Variants in CSMD1 observed in about 807,000 individuals in gnomAD.
CSMD1 encodes CUB and Sushi multiple domains 1, also known as CUB and sushi domain-containing protein 1.
A neutral mutation model predicts 417.5 loss-of-function variants in CSMD1; 213 were observed. That is an observed-to-expected ratio of 0.51 (90% CI 0.46 to 0.57). CSMD1 has a LOEUF of 0.57. Ranked by LOEUF, CSMD1 falls within the 20% of genes least tolerant of loss-of-function variation. The probability of loss-of-function intolerance (pLI) is 0.00; values close to 1 mark genes in which losing one functional copy is unlikely to be tolerated. For missense variants in CSMD1, 6,923 were observed against 4,529.7 expected (o/e 1.53, Z -15.17); for synonymous variants, 2,862 against 1,736.8 (o/e 1.65, Z -16.11).
At chr8:4,979,304 T>C (rs1188671863) in intron 1 of CSMD1, among the ~76,000 whole-genome samples, 1 of 152,220 alleles carries the variant, frequency 6.6e-6, no homozygotes, top group Non-Finnish European at 1.5e-5. Flanking sequence ...TTACATGTGT[T>C]TCTTCTTGTA....
intron 2 of CSMD1, among the ~76,000 whole-genome samples, chr8:4,481,245 T>C (rs1192068165): frequency 6.6e-6 from 1 of 152,222 alleles, no homozygotes; most frequent in Non-Finnish European, 1.5e-5. Context: ...AAATTTAGAT[T>C]TGTACGTGCC....
chr8:4,166,168 A>T (rs1797444991), intron 3 of CSMD1, among the ~76,000 whole-genome samples: 2 of 152,222 alleles, frequency 1.3e-5, no homozygotes, highest in Admixed American at 1.3e-4. Flanking sequence ...AATTTGTAGT[A>T]GTCTACTTGA....
intron 1 of CSMD1, among the ~76,000 whole-genome samples, chr8:4,779,960 T>C (rs969258510): frequency 6.6e-6 from 1 of 152,120 alleles, no homozygotes; most frequent in Non-Finnish European, 1.5e-5. Context: ...GGCCAAATGA[T>C]TGTTAAATAA....
intron 23 of CSMD1, among the ~76,000 whole-genome samples, chr8:3,323,748 T>C (rs1480427358): frequency 7.3e-6 from 1 of 136,334 alleles, no homozygotes; most frequent in Admixed American, 8.0e-5. Context: ...GGAATTTCCT[T>C]CACCCCACCT....
intron 3 of CSMD1, among the ~76,000 whole-genome samples, chr8:4,061,575 A>G (rs1798974705): frequency 6.6e-6 from 1 of 152,186 alleles, no homozygotes; most frequent in Non-Finnish European, 1.5e-5. Flanking sequence ...GCTCTTGACT[A>G]TGGTAAGGAA....
At chr8:4,762,307 G>A (rs1453215639) in intron 1 of CSMD1, among the ~76,000 whole-genome samples, 1 of 151,994 alleles carries the variant, frequency 6.6e-6, no homozygotes, top group Non-Finnish European at 1.5e-5. Context: ...AAGAATAGCT[G>A]TTTACTGGTA....
At chr8:4,368,336 C>T (rs760510604) in intron 3 of CSMD1, among the ~76,000 whole-genome samples, 2 of 152,082 alleles carry the variant, frequency 1.3e-5, no homozygotes, top group Non-Finnish European at 2.9e-5. Flanking sequence ...AGGTATACAG[C>T]CTACTTTATT....
In CSMD1 at chr8:3,246,621, G is replaced by A. The variant is rs531535786; in HGVS notation, c.4154-16390C>T. On this transcript the variant is annotated intron_variant, in intron 26 of 69. Coordinates refer to ENST00000635120, the MANE Select transcript of CSMD1 (RefSeq NM_033225.6). ...TGAGTAGCTGGGATTACAGGCATGT[G>A]CTGCCCTACCCAGCTAATTTTTGAA... is the stretch of plus-strand genomic sequence containing the variant. Among the ~76,000 whole-genome samples the A allele has an allele frequency of 2.0e-5, 3 of 152,168 alleles. No homozygotes were observed. In the South Asian group the frequency reaches 6.2e-4, roughly 32 times the overall value.
chr8:3,529,298 C>T (rs887939684), intron 10 of CSMD1, among the ~76,000 whole-genome samples: 1 of 152,018 alleles, frequency 6.6e-6, no homozygotes, highest in Admixed American at 6.6e-5. Flanking sequence ...TTGAAGAATG[C>T]AAAATAAGCA....
intron 2 of CSMD1, among the ~76,000 whole-genome samples, chr8:4,452,256 G>C (rs1425182482): frequency 6.6e-6 from 1 of 152,118 alleles, no homozygotes; most frequent in Non-Finnish European, 1.5e-5. Flanking sequence ...GAACGCCTCA[G>C]CTCCTCCTTG....
At chr8:3,311,153 G>C (rs74704703) in intron 23 of CSMD1, among the ~76,000 whole-genome samples, 2,842 of 152,282 alleles carry the variant, frequency 0.019, 87 homozygotes, top group African/African-American at 0.064. Flanking sequence ...GCTTAGGACA[G>C]TTACCTTGGC....
At position 4,840,469 on chromosome 8, in the gene CSMD1, G is replaced by A. The variant is rs533820688; in HGVS notation, c.85+153863C>T. Among the ~76,000 whole-genome samples, 54 of 152,254 alleles carry A rather than the reference G, an allele frequency of 3.5e-4. 1 individual carries two copies. Among genetic ancestry groups the A allele is most frequent in the African/African-American group, 1.2e-3 (51 of 41,558 alleles). ...GTTCTGAAAACATACGATATAACACGTTAGGTCTTTTGTTTTATTCGATGA... is the reference window on the plus strand; with the variant it reads ...GTTCTGAAAACATACGATATAACACATTAGGTCTTTTGTTTTATTCGATGA... On this transcript the variant is annotated intron_variant, in intron 1 of 69. Coordinates refer to ENST00000635120, the MANE Select transcript of CSMD1 (RefSeq NM_033225.6).
At chr8:4,441,873 T>C (rs545679506) in intron 2 of CSMD1, among the ~76,000 whole-genome samples, 3 of 152,330 alleles carry the variant, frequency 2.0e-5, no homozygotes, top group African/African-American at 7.2e-5. Flanking sequence ...ATTTGAGTTA[T>C]TTTAAAGTAT....
At chr8:4,009,901 T>C (rs1816412926) in intron 4 of CSMD1, among the ~76,000 whole-genome samples, 1 of 152,018 alleles carries the variant, frequency 6.6e-6, no homozygotes, top group African/African-American at 2.4e-5. Flanking sequence ...TTTACAACAG[T>C]CCCTGCAAAA....
At chr8:2,950,195 C>T (rs917635346) in intron 67 of CSMD1, 36 bp downstream of exon 67, 42 of 1,307,728 alleles carry the variant, frequency 3.2e-5, no homozygotes, top group Non-Finnish European at 4.3e-5. Context: ...GATTAGAAAG[C>T]CTGTGCTTTG....
intron 3 of CSMD1, among the ~76,000 whole-genome samples, chr8:4,284,327 C>T (rs1302350958): frequency 6.6e-6 from 1 of 152,058 alleles, no homozygotes; most frequent in Non-Finnish European, 1.5e-5. Flanking sequence ...GAGATCCTGC[C>T]AATGCACTCC....
At chr8:4,130,310 C>G (rs992224902) in intron 3 of CSMD1, among the ~76,000 whole-genome samples, 26 of 152,090 alleles carry the variant, frequency 1.7e-4, no homozygotes, top group African/African-American at 5.6e-4. Flanking sequence ...GGTATAATCC[C>G]CAAATATGCC....
intron 5 of CSMD1, among the ~76,000 whole-genome samples, chr8:3,829,072 T>C (rs1348245250): frequency 6.6e-6 from 1 of 152,098 alleles, no homozygotes; most frequent in East Asian, 1.9e-4. Context: ...TAGGTGGTAT[T>C]TGTTTACATG....
intron 6 of CSMD1, among the ~76,000 whole-genome samples, chr8:3,741,879 A>T (rs531630670): frequency 5.1e-4 from 77 of 152,272 alleles, no homozygotes; most frequent in Middle Eastern, 3.4e-3. Flanking sequence ...TAAAGGTTCC[A>T]ATTCCTTACC....
Sources: allele counts gnomAD v4.1 joint callset (sites outside exome capture counted in the v4.1 genomes callset), GRCh38; gene constraint gnomAD v4.1.1; transcripts MANE v1.5; gene names NCBI Gene and HGNC (gene_info 2026-07-23, HGNC 2026-07-21).